Variants in CHD2 observed in about 807,000 individuals in gnomAD.
CHD2 encodes ATP-dependent chromatin remodeler CHD2.
Under a neutral mutation model 243.9 loss-of-function variants are expected in CHD2, and 28 were observed. That is an observed-to-expected ratio of 0.11 (90% CI 0.09 to 0.16). The LOEUF is 0.16. Ranked by LOEUF, CHD2 falls within the 10% of genes least tolerant of loss-of-function variation. CHD2 has a pLI of 1.00. For missense variants in CHD2, 1,386 were observed against 2,209.8 expected, an observed-to-expected ratio of 0.63 and a Z score of 7.47; for synonymous variants, 775 against 779.0, an observed-to-expected ratio of 0.99 and a Z score of 0.09.
intron 3 of CHD2, 45 bp downstream of exon 3, chr15:92,924,597 C>A: frequency 1.3e-6 from 2 of 1,513,052 alleles, no homozygotes; most frequent in South Asian, 1.1e-5. Context: ...TAGCCTAGGA[C>A]AAGCTAGCAG....
intron 2 of CHD2, among the ~76,000 whole-genome samples, chr15:92,912,363 G>A (rs1248034474): frequency 2.0e-5 from 3 of 152,150 alleles, no homozygotes; most frequent in African/African-American, 7.2e-5. Context: ...TGTGTTGTGT[G>A]TTGACAATCT....
intron 13 of CHD2, among the ~76,000 whole-genome samples, chr15:92,949,783 A>G (rs2053528008): frequency 2.0e-5 from 3 of 152,250 alleles, no homozygotes. Context: ...CTAGTGCTCA[A>G]GGAATTTTCT....
At position 92,997,232 on chromosome 15, in the gene CHD2, C is replaced by T. The variant is rs2054200078; in HGVS notation, c.3735-21C>T. 1 of 1,613,750 alleles carries T rather than the reference C, an allele frequency of 6.2e-7. No homozygotes were observed. Among genetic ancestry groups the T allele is most frequent in the African/African-American group, 1.3e-5 (1 of 74,898 alleles). On this transcript the variant is annotated intron_variant, in intron 29 of 38. Transcript: ENST00000394196. The surrounding 1 kb of genome is among the most constrained non-coding windows in gnomAD (Gnocchi z 4.1). ...AAAAGGCCCCTCTTCTAATGTCTTC[C>T]TGTTTTTAAACTTTCTTTAGATACT...
chr15:92,981,138 C>G (rs189605299), intron 23 of CHD2, among the ~76,000 whole-genome samples: 1 of 152,168 alleles, frequency 6.6e-6, no homozygotes, highest in African/African-American at 2.4e-5. Context: ...TCTCCCATTT[C>G]TGTTCGTTTT....
Position 92,978,390 on chromosome 15 carries a change from A to G in CHD2, c.2727+7A>G, listed in dbSNP as rs1408693780. 5 of 1,612,132 alleles carry G rather than the reference A, an allele frequency of 3.1e-6. No individual in the cohort carries two copies. Among genetic ancestry groups the G allele is most frequent in the Admixed American group, 1.7e-5 (1 of 59,666 alleles). ...AATTGGTCAAAAGAAGCAGGTCAGT[A>G]TGGAGAGGCTTCTGGAAATTGCTTT... On this transcript the variant is annotated splice_region_variant and intron_variant, in intron 21 of 38. Transcript: ENST00000394196.
intron 16 of CHD2, among the ~76,000 whole-genome samples, chr15:92,963,330 TA>T (rs2053714324): frequency 6.6e-6 from 1 of 152,224 alleles, no homozygotes; most frequent in African/African-American, 2.4e-5. Context: ...AATTTTTTGC[TA>T]TTAAAAAAAT....
intron 13 of CHD2, chr15:92,949,294 T>G: frequency 8.4e-7 from 1 of 1,192,634 alleles, no homozygotes; most frequent in South Asian, 2.3e-5. Flanking sequence ...AAAGAATACT[T>G]TATTTCATTA....
intron 6 of CHD2, 85 bp from the exon 7 acceptor site, chr15:92,939,493 C>G (rs531308306): frequency 1.4e-6 from 2 of 1,389,254 alleles, no homozygotes; most frequent in Admixed American, 4.5e-5. Flanking sequence ...ATGTATGAAC[C>G]ACTGCTCTGG....
rs760703062 is a variant in CHD2, at chr15:92,993,048, T to A, written c.3595+50T>A. On this transcript the variant is annotated intron_variant, in intron 28 of 38. Coordinates refer to ENST00000394196, the MANE Select transcript of CHD2 (RefSeq NM_001271.4). ...TCTTCGCAACCTGGCACTCTTGGAC[T>A]GGATTTCTGTTGCTAAAGGGCGTTT... 10 of 1,603,088 alleles carry A rather than the reference T, an allele frequency of 6.2e-6. No homozygotes were observed. The South Asian group carries it at 1.1e-4, about 18-fold the overall frequency.
chr15:92,901,686 T>C (rs917415360), intron 2 of CHD2: 21 of 351,356 alleles, frequency 6.0e-5, no homozygotes, highest in African/African-American at 4.2e-4. Flanking sequence ...AATTTTTTCT[T>C]TGAAGAATCC....
Position 93,024,446 on chromosome 15 carries a change from G to C in CHD2, c.5228G>C (p.Arg1743Pro). The C allele has an allele frequency of 6.2e-7, 1 of 1,614,158 alleles. No homozygotes were observed. Among genetic ancestry groups the C allele is most frequent in the South Asian group, 1.1e-5 (1 of 91,074 alleles). The change falls in exon 39 of 39, where the codon CGA (arginine) becomes CCA (proline). Residue 1743 changes from arginine (R) to proline (P), a missense_variant. This residue lies in a region of CHD2 where 347 missense variants were observed against 341.6 expected (regional missense o/e 1.02). Coordinates refer to ENST00000394196, the MANE Select transcript of CHD2 (RefSeq NM_001271.4). ...AATTACCACCAGCAGGATTTCCGAC[G>C]AATGTCTGATCACCGCCCCGCTATG... is the stretch of plus-strand genomic sequence containing the variant. ...PQNYHQQDFRRMSDHRPAMGY... is the reference protein window; with the variant it reads ...PQNYHQQDFRPMSDHRPAMGY...
intron 2 of CHD2, among the ~76,000 whole-genome samples, chr15:92,912,784 TTGTGATCCG>T (rs1230459438): frequency 6.8e-6 from 1 of 147,818 alleles, no homozygotes; most frequent in Non-Finnish European, 1.5e-5. Flanking sequence ...TCCGCCAACC[TTGTGATCCG>T]CCCGCCTCGG....
intron 24 of CHD2, among the ~76,000 whole-genome samples, chr15:92,983,509 T>C (rs1489836350): frequency 6.6e-6 from 1 of 152,188 alleles, no homozygotes; most frequent in Non-Finnish European, 1.5e-5. Flanking sequence ...CATTTATACC[T>C]TATGACTGTC....
chr15:93,019,676 G>A (rs897339672), intron 37 of CHD2, among the ~76,000 whole-genome samples: 1 of 152,282 alleles, frequency 6.6e-6, no homozygotes, highest in African/African-American at 2.4e-5. Context: ...GCTCACAGCT[G>A]TAATCCCAGC....
intron 34 of CHD2, among the ~76,000 whole-genome samples, chr15:93,005,048 G>A (rs1199446825): frequency 2.0e-5 from 3 of 152,314 alleles, no homozygotes; most frequent in Admixed American, 2.0e-4. Context: ...CACTGAGCAA[G>A]TATTTATTGA....
intron 26 of CHD2, among the ~76,000 whole-genome samples, chr15:92,989,684 A>G (rs909969194): frequency 9.9e-5 from 15 of 152,166 alleles, no homozygotes; most frequent in African/African-American, 2.9e-4. Flanking sequence ...CTGGAAGGCA[A>G]TTGACAACTC....
chr15:92,936,241 C>T (rs1361650032), intron 5 of CHD2, among the ~76,000 whole-genome samples: 1 of 152,194 alleles, frequency 6.6e-6, no homozygotes, highest in East Asian at 1.9e-4. Flanking sequence ...TAAGCTTTCA[C>T]CATTACTTGA....
chr15:92,921,003 G>C (rs1027579332), intron 2 of CHD2, among the ~76,000 whole-genome samples: 1 of 152,100 alleles, frequency 6.6e-6, no homozygotes, highest in African/African-American at 2.4e-5. Context: ...TTCTAGGTCA[G>C]CATGTGTGTC....
chr15:92,951,984 T>C (rs1193264192), intron 13 of CHD2, among the ~76,000 whole-genome samples: 3 of 152,230 alleles, frequency 2.0e-5, no homozygotes. Context: ...TTTTAGTTCT[T>C]TCTGATTTGC....
Sources: allele counts gnomAD v4.1 joint callset (sites outside exome capture counted in the v4.1 genomes callset), GRCh38; gene constraint gnomAD v4.1.1; regional missense constraint gnomAD v4.1.1; non-coding constraint Gnocchi (gnomAD v3.1); transcripts MANE v1.5; gene names NCBI Gene and HGNC (gene_info 2026-07-23, HGNC 2026-07-21).